Variants in PFKFB2 observed in about 807,000 individuals in gnomAD.
The protein encoded by PFKFB2 is 6-phosphofructo-2-kinase/fructose-2,6-bisphosphatase 2.
PFKFB2 carries 53 observed loss-of-function variants against 68.0 expected under a neutral mutation model. The observed-to-expected ratio is 0.78, with a 90% CI of 0.63 to 0.98. The LOEUF (loss-of-function observed/expected upper bound fraction) is 0.98, where lower values mean the gene tolerates loss of function less well. Among genes scored for constraint, PFKFB2 ranks in the 50% least tolerant of loss-of-function variants. The pLI, the probability that PFKFB2 is intolerant of heterozygous loss-of-function variation, is 0.00. For missense variants in PFKFB2, 451 were observed against 642.0 expected, an observed-to-expected ratio of 0.70 and a Z score of 3.22; for synonymous variants, 222 against 227.6, an observed-to-expected ratio of 0.98 and a Z score of 0.22.
In PFKFB2 at chr1:207,074,140, G is replaced by C; in HGVS notation, c.*1769G>C. On this transcript the variant is annotated 3_prime_UTR_variant, in exon 15 of 15. Transcript: ENST00000367080. The stretch of plus-strand genomic sequence containing the variant: ...CATGTATTTAAGTAGCTTCCCGGAT[G>C]ATTCTGATTCATAGCTCGGGTTAAG... 2 of 970,768 alleles carry C rather than the reference G, an allele frequency of 2.1e-6. No homozygotes were observed. The highest frequency in any genetic ancestry group is 2.4e-6 in the Non-Finnish European group (2 of 816,666). 60.1% of individuals were successfully genotyped at this position (970,768 alleles called of 1,614,324 possible).
At chr1:207,046,090 C>A (rs1379404659) in intron 2 of PFKFB2, 1 of 152,044 alleles carries the variant, frequency 6.6e-6, no homozygotes, top group African/African-American at 2.4e-5. Context: ...TAGTACTACA[C>A]CTGACCTTTA....
In PFKFB2 at chr1:207,074,568, A is replaced by G. The variant is rs1683571089; in HGVS notation, c.*2197A>G. 1 of 985,306 alleles carries G rather than the reference A, an allele frequency of 1.0e-6. No individual in the cohort carries two copies. The highest frequency in any genetic ancestry group is 6.1e-5 in the Admixed American group (1 of 16,272). The allele number at this position is 985,306 out of a possible 1,614,324, so 61.0% of individuals were successfully genotyped here. On this transcript the variant is annotated 3_prime_UTR_variant, in exon 15 of 15. Transcript: ENST00000367080. ...ATGTCCCAAGTAGGATACCATAGGC[A>G]GCTTCTAAAGGCTGCTTACCTAGAT...
rs57077682 is a variant in PFKFB2 at position 207,042,549 on chromosome 1, C to CAAAAAAAAAAAAAAAAAAAAAAA, written c.-18+347_-18+369dup. Among the ~76,000 whole-genome samples, 20 of 44,714 alleles carry CAAAAAAAAAAAAAAAAAAAAAAA rather than the reference C, an allele frequency of 4.5e-4. 3 individuals carry two copies. Among genetic ancestry groups the CAAAAAAAAAAAAAAAAAAAAAAA allele is most frequent in the South Asian group, 1.2e-3 (1 of 828 alleles). The allele number at this position is 44,714 out of a possible 152,430, so 29.3% of individuals were successfully genotyped here. On this transcript the variant is annotated intron_variant, in intron 2 of 5. Coordinates refer to the PFKFB2 transcript ENST00000545806. ...GGCGACACAGCAACACTCTGTCTCA[C>CAAAAAAAAAAAAAAAAAAAAAAA]AAAAAAAAAAAAAAAAAAAAAAAAA...
intron 7 of PFKFB2, among the ~76,000 whole-genome samples, chr1:207,064,280 G>A (rs921132270): frequency 4.6e-5 from 7 of 151,950 alleles, no homozygotes; most frequent in African/African-American, 9.7e-5. Context: ...ACAGTGAGCC[G>A]TGATTGTGCC....
At position 207,073,318 on chromosome 1, in the gene PFKFB2, C is replaced by T. The variant is rs2102283622; in HGVS notation, c.*947C>T. 1 of 985,380 alleles carries T rather than the reference C, an allele frequency of 1.0e-6. No individual in the cohort carries two copies. The highest frequency in any genetic ancestry group is 1.2e-6 in the Non-Finnish European group (1 of 829,926). The allele number at this position is 985,380 out of a possible 1,614,324, so 61.0% of individuals were successfully genotyped here. ...CTTAGAGAGCAGTCATGTCTTTTCTCCCATGACTCTCAGGTTCTTTGCCAA... is the reference window on the plus strand; with the variant it reads ...CTTAGAGAGCAGTCATGTCTTTTCTTCCATGACTCTCAGGTTCTTTGCCAA... On this transcript the variant is annotated 3_prime_UTR_variant, in exon 15 of 15. Transcript: ENST00000367080.
chr1:207,049,188 A>G, upstream of PFKFB2: 3 of 1,614,082 alleles, frequency 1.9e-6, no homozygotes, highest in Non-Finnish European at 2.5e-6. Flanking sequence ...CTTGTACAAG[A>G]ACAATATCAT....
Position 207,072,256 on chromosome 1 carries a change from C to T in PFKFB2, c.1403C>T (p.Thr468Met), listed in dbSNP as rs768572193. Reference sequence around the variant, plus strand: ...GTAAGGATGAGAAGGAACAGCTTTACGCCTCTGTCCAGTTCGAATACAATA... The same window carrying T: ...GTAAGGATGAGAAGGAACAGCTTTATGCCTCTGTCCAGTTCGAATACAATA... ...TPVRMRRNSF[T>M]PLSSSNTIRR... Residue 468 changes from threonine (T) to methionine (M), a missense_variant, in exon 15 of 15, where the codon ACG becomes ATG. Physicochemically the swap from Thr to Met is moderately conservative, Grantham distance 81 (BLOSUM62 -1). Transcript: ENST00000367080. 2.0e-5 allele frequency: 32 copies of T among 1,614,066 alleles called. No homozygotes were observed. Among genetic ancestry groups the T allele is most frequent in the African/African-American group, 5.3e-5 (4 of 74,930 alleles).
chr1:207,050,653 C>A (rs775366058), upstream of PFKFB2: 1 of 1,609,088 alleles, frequency 6.2e-7, no homozygotes, highest in Non-Finnish European at 8.5e-7. Context: ...TCCATCCTCC[C>A]GGGACTTTCC....
At chr1:207,053,998 G>C (rs1214779137) in intron 1 of PFKFB2, among the ~76,000 whole-genome samples, 2 of 150,062 alleles carry the variant, frequency 1.3e-5, no homozygotes, top group Non-Finnish European at 3.0e-5. Context: ...CCGCCTCCCG[G>C]GTTCAAGCGA....
intron 2 of PFKFB2, among the ~76,000 whole-genome samples, chr1:207,056,564 C>A (rs1466585638): frequency 1.3e-5 from 2 of 151,890 alleles, no homozygotes; most frequent in Non-Finnish European, 2.9e-5. Context: ...CCTAACTCTT[C>A]TGTAGTTCCT....
rs1572735743 is a variant in PFKFB2 at position 207,071,652 on chromosome 1, G to A, written c.1350+79G>A. ...GAAGCTTTGACATCAAGAGACTGGG[G>A]TTTCTTTTATGTACAAAAGGGAAAC... On this transcript the variant is annotated intron_variant, in intron 14 of 14. Coordinates refer to ENST00000367080, the MANE Select transcript of PFKFB2 (RefSeq NM_006212.2). 25 of 1,045,338 alleles carry A rather than the reference G, an allele frequency of 2.4e-5. No homozygotes were observed. The East Asian group carries it at 5.3e-4, about 22-fold the overall frequency. The allele number at this position is 1,045,338 out of a possible 1,614,324, so 64.8% of individuals were successfully genotyped here. A position where few individuals can be genotyped will look rare whatever the true frequency, so the allele number is the denominator to read the frequency against.
intron 2 of PFKFB2, among the ~76,000 whole-genome samples, chr1:207,057,084 G>T (rs1299590646): frequency 6.6e-6 from 1 of 152,054 alleles, no homozygotes; most frequent in Non-Finnish European, 1.5e-5. Context: ...CTCCAGGGAT[G>T]GGGCGAAGAG....
intron 10 of PFKFB2, among the ~76,000 whole-genome samples, 159 bp from the exon 11 acceptor site, chr1:207,069,265 C>T (rs1683397237): frequency 6.6e-6 from 1 of 152,190 alleles, no homozygotes; most frequent in African/African-American, 2.4e-5. Flanking sequence ...CACTCTGTGA[C>T]ACTCTGGTCA....
chr1:207,038,767 C>A (rs1682424969), intron 1 of PFKFB2, among the ~76,000 whole-genome samples: 9 of 152,162 alleles, frequency 5.9e-5, no homozygotes, highest in Admixed American at 5.9e-4. Flanking sequence ...AAGTGCAAAA[C>A]CCCAATCATC....
chr1:207,054,096 G>T (rs955558751), intron 1 of PFKFB2, among the ~76,000 whole-genome samples: 1 of 151,770 alleles, frequency 6.6e-6, no homozygotes, highest in South Asian at 2.1e-4. Flanking sequence ...TAGAGACGAG[G>T]TTTCACCATG....
intron 1 of PFKFB2, 150 bp from the exon 2 acceptor site, chr1:207,054,551 G>A (rs1458504833): frequency 3.5e-6 from 2 of 573,254 alleles, no homozygotes; most frequent in Admixed American, 6.3e-5. Flanking sequence ...GGCTAGAGAA[G>A]TAGCTGCTAA....
chr1:207,060,934 C>T (rs1281679102), intron 2 of PFKFB2: 2 of 140,972 alleles, frequency 1.4e-5, no homozygotes, highest in East Asian at 2.0e-4. Flanking sequence ...ACTATAGGTG[C>T]ACACTCCCAC....
rs1329408472 is a variant in PFKFB2, at chr1:207,074,891, GT to G, written c.*2522del. The stretch of plus-strand genomic sequence containing the variant: ...GTCCTATGGCTATGAGACTACAGGG[GT>G]TGGGGGATGGGGATGCCCCCACCAC... On this transcript the variant is annotated 3_prime_UTR_variant, in exon 15 of 15. Transcript: ENST00000367080. The G allele has an allele frequency of 1.7e-5, 17 of 985,376 alleles. No individual in the cohort carries two copies. Among genetic ancestry groups the G allele is most frequent in the Non-Finnish European group, 1.8e-5 (15 of 829,972 alleles). The allele number at this position is 985,376 out of a possible 1,614,324, so 61.0% of individuals were successfully genotyped here.
intron 2 of PFKFB2, among the ~76,000 whole-genome samples, chr1:207,057,484 A>G (rs1413436923): frequency 4.3e-4 from 54 of 125,584 alleles, no homozygotes; most frequent in East Asian, 8.1e-4. Context: ...TCTCAGGGGG[A>G]AAAAAAAAAA....
Sources: gnomAD v4.1 joint callset for allele counts (sites outside exome capture counted in the v4.1 genomes callset) on GRCh38, gnomAD v4.1.1 for gene constraint, MANE v1.5 for transcripts, NCBI Gene and HGNC (gene_info 2026-07-23, HGNC 2026-07-21) for gene names.